Variants in HPGD observed in about 807,000 individuals in gnomAD.
HPGD encodes the protein 15-hydroxyprostaglandin dehydrogenase [NAD(+)].
HPGD carries 29 observed loss-of-function variants against 30.0 expected under a neutral mutation model. That is an observed-to-expected ratio of 0.97 (90% CI 0.72 to 1.32). The LOEUF (loss-of-function observed/expected upper bound fraction) is 1.32. Ranked by LOEUF, HPGD falls within the 40% of genes most tolerant of loss-of-function variation. The probability of loss-of-function intolerance (pLI) is 0.00; values close to 1 mark genes in which losing one functional copy is unlikely to be tolerated. For synonymous variants in HPGD, 99 were observed against 112.4 expected (o/e 0.88, Z 0.75); for missense variants, 340 against 322.1 (o/e 1.06, Z -0.43).
At chr4:174,506,173 C>A (rs1390401147) in intron 4 of HPGD, among the ~76,000 whole-genome samples, 2 of 152,226 alleles carry the variant, frequency 1.3e-5, no homozygotes, top group East Asian at 1.9e-4. Context: ...AAATTGCAAG[C>A]CTTAAACTGC....
rs895619567 is a variant in HPGD, at chr4:174,492,739, C to G, written c.662+412G>C. Among the ~76,000 whole-genome samples, 2 of 151,974 alleles carry G rather than the reference C, an allele frequency of 1.3e-5. No individual in the cohort carries two copies. The highest frequency in any genetic ancestry group is 2.9e-5 in the Non-Finnish European group (2 of 67,918). On this transcript the variant is annotated intron_variant, in intron 6 of 6. Transcript: ENST00000296522. The surrounding 1 kb of genome is among the most constrained non-coding windows in gnomAD (Gnocchi z 4.9). Reference sequence around the variant, plus strand: ...AAATCCTCAGTTGCTTGAATTCAGACATAATTCACTGAGAAAGTATGTGTC... The same window carrying G: ...AAATCCTCAGTTGCTTGAATTCAGAGATAATTCACTGAGAAAGTATGTGTC...
At position 174,494,563 on chromosome 4, in the gene HPGD, T is replaced by C. The variant is rs1462695636; in HGVS notation, c.498+985A>G. On this transcript the variant is annotated intron_variant, in intron 5 of 6. Transcript: ENST00000296522. The surrounding 1 kb of genome is among the most constrained non-coding windows in gnomAD (Gnocchi z 4.9). ...TATGTCTTTGCAAATTAAGCAATAA[T>C]TTCCAATCAATTTAAGAGTGTGAGA... Among the ~76,000 whole-genome samples the C allele has an allele frequency of 6.6e-6, 1 of 152,242 alleles. No individual in the cohort carries two copies. Among genetic ancestry groups the C allele is most frequent in the Non-Finnish European group, 1.5e-5 (1 of 68,054 alleles).
chr4:174,496,004 T>C lies in HPGD; in HGVS notation c.422-380A>G, dbSNP rs1734579188. On this transcript the variant is annotated intron_variant, in intron 4 of 6. Coordinates refer to ENST00000296522, the MANE Select transcript of HPGD (RefSeq NM_000860.6). This position sits in a 1 kb window ranked among gnomAD's most constrained non-coding sequence, Gnocchi z 4.6. ...ATTTTTAAGTCTGGATTTTAAAAAGTATATATTCTACATTTTTAAAGCTTC... is the reference window on the plus strand; with the variant it reads ...ATTTTTAAGTCTGGATTTTAAAAAGCATATATTCTACATTTTTAAAGCTTC... Among the ~76,000 whole-genome samples, 1 of 152,184 alleles carries C rather than the reference T, an allele frequency of 6.6e-6. No individual in the cohort carries two copies. The highest frequency in any genetic ancestry group is 6.5e-5 in the Admixed American group (1 of 15,280).
chr4:174,497,226 A>T (rs1579274219), intron 4 of HPGD, among the ~76,000 whole-genome samples: 1 of 152,236 alleles, frequency 6.6e-6, no homozygotes, highest in African/African-American at 2.4e-5. Context: ...AGCCGCAAGA[A>T]CTACAAAGAC....
chr4:174,490,887 T>A lies in HPGD; in HGVS notation c.*1069A>T, dbSNP rs1734311560. ...TGTTAATTACTGCTTGCAAAGAGTT[T>A]TACCCAAAGCAGGTGTATTTAATGA... On this transcript the variant is annotated 3_prime_UTR_variant, in exon 7 of 7. Coordinates refer to ENST00000296522, the MANE Select transcript of HPGD (RefSeq NM_000860.6). The surrounding 1 kb of genome is among the most constrained non-coding windows in gnomAD (Gnocchi z 4.4). 6.6e-6 allele frequency: 1 copy of A among 152,272 alleles called. No individual in the cohort carries two copies. Among genetic ancestry groups the A allele is most frequent in the Non-Finnish European group, 1.5e-5 (1 of 67,990 alleles). The allele number at this position is 152,272 out of a possible 1,614,324, so 9.4% of individuals were successfully genotyped here.
At chr4:174,522,305 C>A (rs1251496928) in intron 1 of HPGD, 54 bp downstream of exon 1, 3 of 1,491,542 alleles carry the variant, frequency 2.0e-6, no homozygotes, top group Middle Eastern at 1.9e-4. Context: ...GGCGGCGGGG[C>A]GAGTCTCGGA....
chr4:174,522,090 C>A (rs762153120), intron 1 of HPGD, 23 bp from the exon 2 acceptor site: 4 of 1,613,984 alleles, frequency 2.5e-6, no homozygotes, highest in East Asian at 2.2e-5. Context: ...GGAGAGGAAT[C>A]GCGGGCCTGC....
chr4:174,522,391 A>C lies in HPGD; in HGVS notation c.61T>G (p.Phe21Val), dbSNP rs1438008054. ...CCCTTAAGCAGCAGCGCCTCTGCAA[A>C]GGCTCTGCCTATGCCCTGAGCCGCG... is the stretch of plus-strand genomic sequence containing the variant. ...TGAAQGIGRA[F>V]AEALLLKGAK... The change falls in exon 1 of 7, where the codon TTT (phenylalanine) becomes GTT (valine). Residue 21 changes from phenylalanine (F) to valine (V), a missense_variant. Transcript: ENST00000296522. 1 of 1,578,996 alleles carries C rather than the reference A, an allele frequency of 6.3e-7. No homozygotes were observed. Among genetic ancestry groups the C allele is most frequent in the African/African-American group, 1.3e-5 (1 of 74,292 alleles).
rs528543795 is a variant in HPGD, at chr4:174,496,132, G to A, written c.422-508C>T. 2.8e-4 allele frequency among the ~76,000 whole-genome samples: 42 copies of A among 152,250 alleles called. No homozygotes were observed. Among genetic ancestry groups the A allele is most frequent in the African/African-American group, 1.0e-3 (42 of 41,538 alleles). On this transcript the variant is annotated intron_variant, in intron 4 of 6. Coordinates refer to ENST00000296522, the MANE Select transcript of HPGD (RefSeq NM_000860.6). The surrounding 1 kb of genome is among the most constrained non-coding windows in gnomAD (Gnocchi z 4.6). ...CTGTCACCAATCTGTCTTGAACAAT[G>A]CCTCCAAAAGTTTAAGAAAATTAAA...
intron 3 of HPGD, among the ~76,000 whole-genome samples, chr4:174,512,155 A>G (rs1013872486): frequency 3.3e-5 from 5 of 152,206 alleles, no homozygotes; most frequent in African/African-American, 1.2e-4. Context: ...GTTTGGAAGA[A>G]CTAATGTATT....
At position 174,508,732 on chromosome 4, in the gene HPGD, C is replaced by G. The variant is rs1426948356; in HGVS notation, c.385G>C (p.Glu129Gln). The G allele has an allele frequency of 3.7e-6, 6 of 1,610,554 alleles. No homozygotes were observed. Among genetic ancestry groups the G allele is most frequent in the Non-Finnish European group, 1.7e-6 (2 of 1,177,024 alleles). ...LDYMSKQNGG[E>Q]GGIIINMSSL... Reference sequence around the variant, plus strand: ...GACATATTGATAATGATGCCGCCTTCACCTCCATTTTGCTTACTCATGTAA... The same window carrying G: ...GACATATTGATAATGATGCCGCCTTGACCTCCATTTTGCTTACTCATGTAA... The change falls in exon 4 of 7, where the codon GAA becomes CAA. Residue 129 changes from glutamate to glutamine, a missense_variant. Coordinates refer to ENST00000296522, the MANE Select transcript of HPGD (RefSeq NM_000860.6).
chr4:174,499,048 G>A (rs776088130), intron 4 of HPGD, among the ~76,000 whole-genome samples: 8 of 152,102 alleles, frequency 5.3e-5, no homozygotes, highest in South Asian at 2.1e-4. Flanking sequence ...GGTTAACCAC[G>A]CTTCCACTAC....
intron 3 of HPGD, among the ~76,000 whole-genome samples, chr4:174,515,390 T>C (rs1345923749): frequency 1.3e-5 from 2 of 151,940 alleles, no homozygotes; most frequent in African/African-American, 4.8e-5. Flanking sequence ...TTTGACAAAA[T>C]TGACAAAAAC....
chr4:174,492,191 G>A lies in HPGD; in HGVS notation c.663-97C>T. Reference sequence around the variant, plus strand: ...CTGAAGAATCTATTAAGTTGAACATGTTATAGGGAAATGTGTGTCATTAAA... The same window carrying A: ...CTGAAGAATCTATTAAGTTGAACATATTATAGGGAAATGTGTGTCATTAAA... On this transcript the variant is annotated intron_variant, in intron 6 of 6. Coordinates refer to ENST00000296522, the MANE Select transcript of HPGD (RefSeq NM_000860.6). This position sits in a 1 kb window ranked among gnomAD's most constrained non-coding sequence, Gnocchi z 4.9. 1 of 1,136,996 alleles carries A rather than the reference G, an allele frequency of 8.8e-7. No homozygotes were observed. The allele number at this position is 1,136,996 out of a possible 1,614,324, so 70.4% of individuals were successfully genotyped here.
At position 174,492,183 on chromosome 4, in the gene HPGD, T is replaced by C. The variant is rs1348808700; in HGVS notation, c.663-89A>G. On this transcript the variant is annotated intron_variant, in intron 6 of 6. Transcript: ENST00000296522. The surrounding 1 kb of genome is among the most constrained non-coding windows in gnomAD (Gnocchi z 4.9). ...GTTATTTTCTGAAGAATCTATTAAG[T>C]TGAACATGTTATAGGGAAATGTGTG... The C allele has an allele frequency of 4.1e-6, 5 of 1,227,852 alleles. No individual in the cohort carries two copies. Among genetic ancestry groups the C allele is most frequent in the East Asian group, 4.7e-5 (2 of 42,796 alleles). The allele number at this position is 1,227,852 out of a possible 1,614,324, so 76.1% of individuals were successfully genotyped here.
intron 4 of HPGD, among the ~76,000 whole-genome samples, chr4:174,508,377 C>A (rs1039705365): frequency 6.6e-6 from 1 of 152,054 alleles, no homozygotes; most frequent in Non-Finnish European, 1.5e-5. Flanking sequence ...TTTACTTTGC[C>A]AAAGGTGCTT....
chr4:174,512,852 T>C (rs1414045896), intron 3 of HPGD, among the ~76,000 whole-genome samples: 1 of 152,192 alleles, frequency 6.6e-6, no homozygotes, highest in East Asian at 1.9e-4. Flanking sequence ...CTGTTAGTTA[T>C]AACTAAAGGA....
chr4:174,513,017 A>G lies in HPGD; in HGVS notation c.325-4225T>C, dbSNP rs578192809. 5.9e-4 allele frequency among the ~76,000 whole-genome samples: 90 copies of G among 152,258 alleles called. 1 individual carries two copies. Among genetic ancestry groups the G allele is most frequent in the African/African-American group, 2.1e-3 (87 of 41,542 alleles). Reference sequence around the variant, plus strand: ...CAGTCGAATTCTGTAACTTCGTAATATTTGCCTCAATATTTCCATGTTTCT... The same window carrying G: ...CAGTCGAATTCTGTAACTTCGTAATGTTTGCCTCAATATTTCCATGTTTCT... On this transcript the variant is annotated intron_variant, in intron 3 of 6. Coordinates refer to ENST00000296522, the MANE Select transcript of HPGD (RefSeq NM_000860.6).
chr4:174,508,781 G>A lies in HPGD; in HGVS notation c.336C>T (p.Ile112=), dbSNP rs1560983624. ...AATCCAAACCAAGATAGGTTCCACT[G>A]ATAACAGAAACCTAATCCAGAGGCA... ...KTLQINLVSV[I]SGTYLGLDYM... is the part of the protein sequence containing the mutation. The change falls in exon 4 of 7, where the codon ATC becomes ATT. Residue 112 remains isoleucine, a synonymous_variant. Coordinates refer to ENST00000296522, the MANE Select transcript of HPGD (RefSeq NM_000860.6). The A allele has an allele frequency of 1.3e-6, 2 of 1,584,162 alleles. No homozygotes were observed. Among genetic ancestry groups the A allele is most frequent in the Non-Finnish European group, 1.7e-6 (2 of 1,153,354 alleles).
Sources: gnomAD v4.1 joint callset for allele counts (sites outside exome capture counted in the v4.1 genomes callset) on GRCh38, gnomAD v4.1.1 for gene constraint, Gnocchi (gnomAD v3.1) non-coding constraint, MANE v1.5 for transcripts, NCBI Gene and HGNC (gene_info 2026-07-23, HGNC 2026-07-21) for gene names.